The following TNNT1 variants were observed in gnomAD, a reference collection of about 807,000 sequenced individuals.
TNNT1 encodes troponin T1, slow skeletal type, also known as troponin T, slow skeletal muscle.
In TNNT1, 53 loss-of-function variants were observed where a neutral mutation model predicts 50.6. The observed-to-expected ratio is 1.05, with a 90% CI of 0.84 to 1.32. TNNT1 has a LOEUF of 1.32. TNNT1 is among the 40% of genes most tolerant of loss of function. The pLI, the probability that TNNT1 is intolerant of heterozygous loss-of-function variation, is 0.00. For synonymous variants in TNNT1, 142 were observed against 138.0 expected (o/e 1.03, Z -0.20); for missense variants, 348 against 381.7 (o/e 0.91, Z 0.74).
intron 5 of TNNT1, among the ~76,000 whole-genome samples, 187 bp downstream of exon 5, chr19:55,146,247 C>CG: frequency 6.9e-6 from 1 of 145,914 alleles, no homozygotes; most frequent in East Asian, 2.0e-4. Context: ...AAAGCCACTG[C>CG]GGGGCCATTT....
At chr19:55,134,021 C>A (rs764780227) in intron 12 of TNNT1, 45 bp downstream of exon 12, 1 of 1,612,448 alleles carries the variant, frequency 6.2e-7, no homozygotes, top group East Asian at 2.2e-5. Flanking sequence ...CCTCCCAGCC[C>A]AGCCCTGCCC....
intron 11 of TNNT1, among the ~76,000 whole-genome samples, chr19:55,135,073 C>A (rs978309592): frequency 1.3e-5 from 2 of 152,060 alleles, no homozygotes; most frequent in Non-Finnish European, 1.5e-5. Context: ...CTAGAAATAG[C>A]CTCTTGTGCA....
chr19:55,140,998 A>ACCC, intron 8 of TNNT1, 38 bp from the exon 9 acceptor site: 1 of 1,609,650 alleles, frequency 6.2e-7, no homozygotes, highest in East Asian at 2.2e-5. Context: ...GCAGGGACGT[A>ACCC]CCCCCAGTCT....
Position 55,143,120 on chromosome 19 carries a change from G to T in TNNT1, c.129-1200C>A, listed in dbSNP as rs527964402. Among the ~76,000 whole-genome samples the T allele has an allele frequency of 1.1e-4, 16 of 150,532 alleles. No individual in the cohort carries two copies. The East Asian group carries it at 2.8e-3, about 26-fold the overall frequency. ...GGAGGCAGAGATTGCAGTGAGCCGA[G>T]ATCGTGCCATCGCACTCCAGCCTGG... On this transcript the variant is annotated intron_variant, in intron 6 of 13. Coordinates refer to ENST00000588981, the MANE Select transcript of TNNT1 (RefSeq NM_003283.6).
At chr19:55,140,550 G>A (rs548817190) in intron 9 of TNNT1, 1 of 161,196 alleles carries the variant, frequency 6.2e-6, no homozygotes, top group South Asian at 1.8e-4. Flanking sequence ...AGGCTGAGGT[G>A]GGCGGATCAT....
chr19:55,138,101 T>G, intron 9 of TNNT1, 27 bp from the exon 10 acceptor site: 3 of 1,613,766 alleles, frequency 1.9e-6, no homozygotes, highest in Non-Finnish European at 2.5e-6. Flanking sequence ...GTTAACCTCA[T>G]GGACTCCCCT....
chr19:55,142,416 C>T (rs1000052845), intron 6 of TNNT1, among the ~76,000 whole-genome samples: 4 of 151,820 alleles, frequency 2.6e-5, no homozygotes, highest in African/African-American at 7.3e-5. Flanking sequence ...CCACCGCGCC[C>T]GGCACTAATC....
intron 10 of TNNT1, 63 bp downstream of exon 10, chr19:55,137,898 G>C: frequency 6.3e-7 from 1 of 1,586,976 alleles, no homozygotes; most frequent in East Asian, 2.3e-5. Context: ...AGGAACCAGA[G>C]GTCTGGCCCC....
rs759984525 is a variant in TNNT1, at chr19:55,138,894, T to C, written c.388-820A>G. Among the ~76,000 whole-genome samples, 17 of 152,212 alleles carry C rather than the reference T, an allele frequency of 1.1e-4. 1 individual carries two copies. On this transcript the variant is annotated intron_variant, in intron 9 of 13. Transcript: ENST00000588981. Reference sequence around the variant, plus strand: ...AGGCATTACGACATTCGAGAAACTCTTCATTGAATGTTCCAGAAACAGTGG... The same window carrying C: ...AGGCATTACGACATTCGAGAAACTCCTCATTGAATGTTCCAGAAACAGTGG...
At chr19:55,136,637 G>C (rs948398979) in intron 11 of TNNT1, among the ~76,000 whole-genome samples, 1 of 152,192 alleles carries the variant, frequency 6.6e-6, no homozygotes, top group Non-Finnish European at 1.5e-5. Context: ...AGAGAACATG[G>C]AGAAACAGGC....
At chr19:55,136,048 G>A (rs1163211063) in intron 11 of TNNT1, among the ~76,000 whole-genome samples, 2 of 152,190 alleles carry the variant, frequency 1.3e-5, no homozygotes, top group African/African-American at 4.8e-5. Flanking sequence ...CATTTACCAT[G>A]AAGCCACTTT....
intron 12 of TNNT1, 49 bp from the exon 13 acceptor site, chr19:55,133,976 ACG>A (rs1430608146): frequency 1.9e-6 from 3 of 1,603,630 alleles, no homozygotes; most frequent in African/African-American, 2.8e-5. Flanking sequence ...GGACGTGGGG[ACG>A]GGCCACCCAC....
chr19:55,135,523 G>GC, intron 11 of TNNT1: 1 of 214,216 alleles, frequency 4.7e-6, no homozygotes, highest in Non-Finnish European at 8.7e-6. Context: ...TCTCACCTCA[G>GC]CCTTTTTTTT....
intron 6 of TNNT1, among the ~76,000 whole-genome samples, chr19:55,144,908 GGATGAGCCACAAGTT>G (rs2085519682): frequency 6.6e-6 from 1 of 152,166 alleles, no homozygotes; most frequent in African/African-American, 2.4e-5. Flanking sequence ...TCATGGAGGA[GGATGAGCCACAAGTT>G]GTAGGCAGGG....
intron 10 of TNNT1, among the ~76,000 whole-genome samples, chr19:55,137,419 T>C (rs1398519985): frequency 2.0e-5 from 3 of 149,546 alleles, no homozygotes; most frequent in African/African-American, 7.5e-5. Flanking sequence ...CAGTCCCTTC[T>C]CTTAGACTGA....
chr19:55,141,374 G>A, intron 7 of TNNT1, 72 bp from the exon 8 acceptor site: 6 of 1,121,884 alleles, frequency 5.3e-6, no homozygotes, highest in Non-Finnish European at 8.2e-6. Context: ...CCTCCCCCAT[G>A]CAGGATGGTG....
intron 13 of TNNT1, 42 bp from the exon 14 acceptor site, chr19:55,133,002 C>T (rs1247287795): frequency 1.9e-6 from 3 of 1,552,916 alleles, no homozygotes; most frequent in Non-Finnish European, 2.6e-6. Flanking sequence ...GGGGCCCCTC[C>T]AGTCTCTGAA....
Position 55,143,489 on chromosome 19 carries a change from G to C in TNNT1, c.129-1569C>G, listed in dbSNP as rs564449175. ...ACAGGACTTAGGGGATGCTGGGCAA[G>C]GGGAGGGAAGAGGTGAGGACAATCC... is the stretch of plus-strand genomic sequence containing the variant. On this transcript the variant is annotated intron_variant, in intron 6 of 13. Transcript: ENST00000588981. Among the ~76,000 whole-genome samples, 40 of 152,292 alleles carry C rather than the reference G, an allele frequency of 2.6e-4. 1 individual carries two copies. In the South Asian group the frequency reaches 8.3e-3, roughly 32 times the overall value.
At chr19:55,141,359 C>T (rs2085451198) in intron 7 of TNNT1, 57 bp from the exon 8 acceptor site, 5 of 1,257,298 alleles carry the variant, frequency 4.0e-6, no homozygotes, top group Non-Finnish European at 5.8e-6. Context: ...AGCAGCCTCC[C>T]AGCACCTCCC....
Sources: allele counts gnomAD v4.1 joint callset (sites outside exome capture counted in the v4.1 genomes callset), GRCh38; gene constraint gnomAD v4.1.1; transcripts MANE v1.5; gene names NCBI Gene and HGNC (gene_info 2026-07-23, HGNC 2026-07-21).